CSNK2B: variants seen among roughly 807,000 people sequenced by gnomAD.
The protein encoded by CSNK2B is casein kinase II subunit beta.
In CSNK2B, 2 loss-of-function variants were observed where a neutral mutation model predicts 28.8. The ratio of observed to expected loss-of-function variants is 0.07; its 90% CI spans 0.03 to 0.22. The LOEUF (loss-of-function observed/expected upper bound fraction) is 0.22, where lower values mean the gene tolerates loss of function less well. CSNK2B is among the 10% of genes least tolerant of loss of function. The pLI is 1.00. For synonymous variants in CSNK2B, 89 were observed against 96.1 expected (o/e 0.93, Z 0.43); for missense variants, 107 against 277.9 (o/e 0.39, Z 4.37).
In CSNK2B at chr6:31,666,087, A is replaced by T; in HGVS notation, c.-133A>T. The stretch of plus-strand genomic sequence containing the variant: ...CTCTTCCCCACCCTCCCTAATTTCC[A>T]CTCCCCCCACCCCACTTCGCCTGCC... On this transcript the variant is annotated 5_prime_UTR_variant, in exon 1 of 7. Transcript: ENST00000375882. 1.1e-6 allele frequency: 1 copy of T among 942,426 alleles called. No homozygotes were observed. Among genetic ancestry groups the T allele is most frequent in the Non-Finnish European group, 1.2e-6 (1 of 812,514 alleles). 58.4% of individuals were successfully genotyped at this position (942,426 alleles called of 1,614,324 possible).
chr6:31,669,968 C>CT lies in CSNK2B; in HGVS notation c.*48dup. 6.5e-7 allele frequency: 1 copy of CT among 1,540,540 alleles called. No individual in the cohort carries two copies. The highest frequency in any genetic ancestry group is 8.9e-7 in the Non-Finnish European group (1 of 1,127,778). The stretch of plus-strand genomic sequence containing the variant: ...TCCTGCAGTCTTTGACTTTTCCTTT[C>CT]TTTTTTGCCACCCTTTCAGGAACCC... On this transcript the variant is annotated 3_prime_UTR_variant, in exon 7 of 7. Coordinates refer to ENST00000375882, the MANE Select transcript of CSNK2B (RefSeq NM_001320.7). The surrounding 1 kb of genome is among the most constrained non-coding windows in gnomAD (Gnocchi z 4.8).
At position 31,666,723 on chromosome 6, in the gene CSNK2B, G is replaced by A; in HGVS notation, c.-11-98G>A. 1.3e-5 allele frequency: 12 copies of A among 929,884 alleles called. No homozygotes were observed. The South Asian group carries it at 1.8e-4, about 14-fold the overall frequency. 57.6% of individuals were successfully genotyped at this position (929,884 alleles called of 1,614,324 possible). A position where few individuals can be genotyped will look rare whatever the true frequency, so the allele number is the denominator to read the frequency against. On this transcript the variant is annotated intron_variant, in intron 1 of 6. Coordinates refer to ENST00000375882, the MANE Select transcript of CSNK2B (RefSeq NM_001320.7). ...GGTTGCTTTAAGAAAGGGTGGTTCC[G>A]AATTCTCCCGTGGTTGGAGGGCCGA...
chr6:31,669,547 GC>G lies in CSNK2B; in HGVS notation c.557+42del, dbSNP rs1339094434. 1 of 1,584,764 alleles carries G rather than the reference GC, an allele frequency of 6.3e-7. No individual in the cohort carries two copies. Among genetic ancestry groups the G allele is most frequent in the Non-Finnish European group, 8.5e-7 (1 of 1,169,976 alleles). ...AGAGTCATTAAGGGTCAAAGGAAAG[GC>G]CCAAGATCCCCCAGAGAGGGGAGGA... On this transcript the variant is annotated intron_variant, in intron 6 of 6. Coordinates refer to ENST00000375882, the MANE Select transcript of CSNK2B (RefSeq NM_001320.7). This position sits in a 1 kb window ranked among gnomAD's most constrained non-coding sequence, Gnocchi z 4.8.
chr6:31,666,415 C>T (rs1304432030), intron 1 of CSNK2B: 9 of 191,522 alleles, frequency 4.7e-5, no homozygotes, highest in Admixed American at 3.3e-4. Context: ...AGGAGGAGCC[C>T]AGTTCTTGCT....
chr6:31,669,696 G>A lies in CSNK2B; in HGVS notation c.558-140G>A. 1 of 1,009,270 alleles carries A rather than the reference G, an allele frequency of 9.9e-7. No individual in the cohort carries two copies. Among genetic ancestry groups the A allele is most frequent in the Non-Finnish European group, 1.4e-6 (1 of 694,190 alleles). The allele number at this position is 1,009,270 out of a possible 1,614,324, so 62.5% of individuals were successfully genotyped here. ...TTACCTTATTGTAGAATGTTCTTGA[G>A]CTGAGAAGTTGGGAACCACGAGGCT... is the stretch of plus-strand genomic sequence containing the variant. On this transcript the variant is annotated intron_variant, in intron 6 of 6. Coordinates refer to ENST00000375882, the MANE Select transcript of CSNK2B (RefSeq NM_001320.7). The surrounding 1 kb of genome is among the most constrained non-coding windows in gnomAD (Gnocchi z 4.8).
In CSNK2B at chr6:31,669,997, A is replaced by C; in HGVS notation, c.*71A>C. 1 of 1,301,902 alleles carries C rather than the reference A, an allele frequency of 7.7e-7. No homozygotes were observed. Among genetic ancestry groups the C allele is most frequent in the South Asian group, 1.3e-5 (1 of 74,220 alleles). The allele number at this position is 1,301,902 out of a possible 1,614,324, so 80.6% of individuals were successfully genotyped here. On this transcript the variant is annotated 3_prime_UTR_variant, in exon 7 of 7. Coordinates refer to ENST00000375882, the MANE Select transcript of CSNK2B (RefSeq NM_001320.7). The surrounding 1 kb of genome is among the most constrained non-coding windows in gnomAD (Gnocchi z 4.8). ...TTTGCCACCCTTTCAGGAACCCTGTATGGTTTTTAGTTTAAATTAAAGGAG... is the reference window on the plus strand; with the variant it reads ...TTTGCCACCCTTTCAGGAACCCTGTCTGGTTTTTAGTTTAAATTAAAGGAG...
At chr6:31,667,795 C>A in intron 2 of CSNK2B, 73 bp from the exon 3 acceptor site, 1 of 787,056 alleles carries the variant, frequency 1.3e-6, no homozygotes, top group Non-Finnish European at 2.0e-6. Flanking sequence ...TAAGGCATCA[C>A]TTAGAGCATT....
In CSNK2B at chr6:31,669,816, T is replaced by G; in HGVS notation, c.558-20T>G. Reference sequence around the variant, plus strand: ...GATGGGGCTCATGCTGCTGCCTCTCTGACCTCTGCCCTGGCCTAGGCTCTA... The same window carrying G: ...GATGGGGCTCATGCTGCTGCCTCTCGGACCTCTGCCCTGGCCTAGGCTCTA... On this transcript the variant is annotated intron_variant, in intron 6 of 6. Transcript: ENST00000375882. This position sits in a 1 kb window ranked among gnomAD's most constrained non-coding sequence, Gnocchi z 4.8. 6.2e-7 allele frequency: 1 copy of G among 1,603,696 alleles called. No individual in the cohort carries two copies. Among genetic ancestry groups the G allele is most frequent in the Non-Finnish European group, 8.5e-7 (1 of 1,175,374 alleles).
chr6:31,669,292 G>A lies in CSNK2B; in HGVS notation c.368-27G>A. On this transcript the variant is annotated intron_variant, in intron 5 of 6. Coordinates refer to ENST00000375882, the MANE Select transcript of CSNK2B (RefSeq NM_001320.7). The surrounding 1 kb of genome is among the most constrained non-coding windows in gnomAD (Gnocchi z 4.8). ...GTTAGGTAGGAATAGGGGGATACCTGGCCTGCTGAGTCTGGCTGTCTCCCA... is the reference window on the plus strand; with the variant it reads ...GTTAGGTAGGAATAGGGGGATACCTAGCCTGCTGAGTCTGGCTGTCTCCCA... The A allele has an allele frequency of 2.5e-6, 4 of 1,607,016 alleles. No homozygotes were observed. The highest frequency in any genetic ancestry group is 3.4e-6 in the Non-Finnish European group (4 of 1,174,662).
At position 31,669,773 on chromosome 6, in the gene CSNK2B, G is replaced by A; in HGVS notation, c.558-63G>A. On this transcript the variant is annotated intron_variant, in intron 6 of 6. Transcript: ENST00000375882. This position sits in a 1 kb window ranked among gnomAD's most constrained non-coding sequence, Gnocchi z 4.8. ...GCTCAGGTGGGGAGGTGGGAATGCA[G>A]GTGACTGGCAGGGCCTGGATGGGGC... 1.4e-6 allele frequency: 2 copies of A among 1,422,660 alleles called. No homozygotes were observed. Among genetic ancestry groups the A allele is most frequent in the Non-Finnish European group, 1.9e-6 (2 of 1,032,324 alleles). 88.1% of individuals were successfully genotyped at this position (1,422,660 alleles called of 1,614,324 possible). A position where few individuals can be genotyped will look rare whatever the true frequency, so the allele number is the denominator to read the frequency against.
In CSNK2B at chr6:31,669,094, C is replaced by T. The variant is rs769320958; in HGVS notation, c.292-3C>T. ...CCAACCCCTTCCATTGTATTCACCTCAGTTGGAAAAGTACCAGCAAGGAGA... is the reference window on the plus strand; with the variant it reads ...CCAACCCCTTCCATTGTATTCACCTTAGTTGGAAAAGTACCAGCAAGGAGA... On this transcript the variant is annotated splice_region_variant and splice_polypyrimidine_tract_variant and intron_variant, in intron 4 of 6. Transcript: ENST00000375882. The surrounding 1 kb of genome is among the most constrained non-coding windows in gnomAD (Gnocchi z 4.8). 2 of 1,612,310 alleles carry T rather than the reference C, an allele frequency of 1.2e-6. No homozygotes were observed. The highest frequency in any genetic ancestry group is 1.7e-6 in the Non-Finnish European group (2 of 1,179,306).
chr6:31,667,168 G>C, intron 2 of CSNK2B: 1 of 634,276 alleles, frequency 1.6e-6, no homozygotes, highest in Admixed American at 2.1e-5. Flanking sequence ...GTCTCACTCT[G>C]TCACCGAGGC....
rs568249646 is a variant in CSNK2B, at chr6:31,666,184, C to A, written c.-36C>A. On this transcript the variant is annotated 5_prime_UTR_variant, in exon 1 of 7. Coordinates refer to ENST00000375882, the MANE Select transcript of CSNK2B (RefSeq NM_001320.7). ...GGAAGTAGCAACTTCCCTACCCCAC[C>A]CCAGTCCTGGTCCCCGTCCAGCCGG... 787 of 993,536 alleles carry A rather than the reference C, an allele frequency of 7.9e-4. No individual in the cohort carries two copies. The highest frequency in any genetic ancestry group is 9.0e-4 in the Non-Finnish European group (747 of 833,754). The allele number at this position is 993,536 out of a possible 1,614,324, so 61.5% of individuals were successfully genotyped here.
At chr6:31,668,790 G>A in intron 4 of CSNK2B, 136 bp downstream of exon 4, 1 of 770,554 alleles carries the variant, frequency 1.3e-6, no homozygotes, top group South Asian at 1.6e-5. Context: ...TTGGGCCTGG[G>A]AATTGAATTC....
chr6:31,669,218 TG>T lies in CSNK2B; in HGVS notation c.367+49del. On this transcript the variant is annotated intron_variant, in intron 5 of 6. Transcript: ENST00000375882. This position sits in a 1 kb window ranked among gnomAD's most constrained non-coding sequence, Gnocchi z 4.8. ...AGGAAAGCACCGTGTGGCAGTCTTA[TG>T]GGAAGGAGTTGGGGCTCAACACATT... The T allele has an allele frequency of 6.2e-7, 1 of 1,605,936 alleles. No individual in the cohort carries two copies. Among genetic ancestry groups the T allele is most frequent in the Non-Finnish European group, 8.5e-7 (1 of 1,172,798 alleles).
intron 3 of CSNK2B, chr6:31,668,337 G>C: frequency 1.7e-6 from 1 of 605,220 alleles, no homozygotes; most frequent in Non-Finnish European, 2.9e-6. Flanking sequence ...GGCTGAAAAG[G>C]TGTGAAGGGA....
Position 31,669,813 on chromosome 6 carries a change from C to T in CSNK2B, c.558-23C>T. ...CTGGATGGGGCTCATGCTGCTGCCT[C>T]TCTGACCTCTGCCCTGGCCTAGGCT... On this transcript the variant is annotated intron_variant, in intron 6 of 6. Coordinates refer to ENST00000375882, the MANE Select transcript of CSNK2B (RefSeq NM_001320.7). The surrounding 1 kb of genome is among the most constrained non-coding windows in gnomAD (Gnocchi z 4.8). 1 of 1,601,790 alleles carries T rather than the reference C, an allele frequency of 6.2e-7. No homozygotes were observed. Among genetic ancestry groups the T allele is most frequent in the Middle Eastern group, 1.7e-4 (1 of 6,020 alleles).
At chr6:31,668,896 C>G in intron 4 of CSNK2B, 1 of 612,850 alleles carries the variant, frequency 1.6e-6, no homozygotes, top group South Asian at 2.0e-5. Flanking sequence ...AAGGAACAAA[C>G]AACAAATGGC....
In CSNK2B at chr6:31,666,805, A is replaced by C. The variant is rs201896659; in HGVS notation, c.-11-16A>C. ...GAAGGAGAACTTGAGCTTTACTGAC[A>C]CTGTTCTTTTTCTAGCTGACGTGAA... is the stretch of plus-strand genomic sequence containing the variant. On this transcript the variant is annotated splice_polypyrimidine_tract_variant and intron_variant, in intron 1 of 6. Transcript: ENST00000375882. 8 of 1,605,936 alleles carry C rather than the reference A, an allele frequency of 5.0e-6. No homozygotes were observed. The African/African-American group carries it at 1.1e-4, about 21-fold the overall frequency.
Sources: gnomAD v4.1 joint callset for allele counts on GRCh38, gnomAD v4.1.1 for gene constraint, Gnocchi (gnomAD v3.1) non-coding constraint, MANE v1.5 for transcripts, NCBI Gene and HGNC (gene_info 2026-07-23, HGNC 2026-07-21) for gene names.